NFASC: variants seen among roughly 807,000 people sequenced by gnomAD.
NFASC encodes the protein neurofascin.
A neutral mutation model predicts 147.5 loss-of-function variants in NFASC; 43 were observed. The ratio of observed to expected loss-of-function variants is 0.29; its 90% CI spans 0.23 to 0.38. The LOEUF (loss-of-function observed/expected upper bound fraction) is 0.38. Ranked by LOEUF, NFASC falls within the 10% of genes least tolerant of loss-of-function variation. The pLI is 1.00. For synonymous variants in NFASC, 622 were observed against 665.5 expected (o/e 0.93, Z 1.01); for missense variants, 1,320 against 1,689.0 (o/e 0.78, Z 3.83).
chr1:204,937,473 G>A (rs2092964706), intron 2 of NFASC, among the ~76,000 whole-genome samples: 1 of 151,958 alleles, frequency 6.6e-6, no homozygotes, highest in African/African-American at 2.4e-5. Flanking sequence ...CCCTCAACCT[G>A]CACCCCCAGC....
At chr1:205,003,834 C>T (rs1417735045) in intron 27 of NFASC, among the ~76,000 whole-genome samples, 1 of 152,218 alleles carries the variant, frequency 6.6e-6, no homozygotes, top group Non-Finnish European at 1.5e-5. Flanking sequence ...AAACGTCTCA[C>T]CCCACCCCTT....
intron 1 of NFASC, among the ~76,000 whole-genome samples, chr1:204,897,984 C>T (rs902369782): frequency 7.2e-5 from 11 of 152,048 alleles, no homozygotes; most frequent in African/African-American, 1.4e-4. Flanking sequence ...GTGATCCACC[C>T]GCCTCAGCCT....
At chr1:204,873,678 C>G (rs945925315) in intron 1 of NFASC, among the ~76,000 whole-genome samples, 7 of 121,372 alleles carry the variant, frequency 5.8e-5, no homozygotes, top group Admixed American at 1.2e-4. Context: ...GGGGGCCTTC[C>G]ATTCTGAGGC....
At chr1:204,984,065 A>T in intron 21 of NFASC, 1 of 1,614,204 alleles carries the variant, frequency 6.2e-7, no homozygotes, top group Non-Finnish European at 8.5e-7. Flanking sequence ...AGTCCGAGTC[A>T]TGAACAGCAC....
At chr1:204,871,068 G>GAGCCTTC in intron 1 of NFASC, 1 of 1,289,874 alleles carries the variant, frequency 7.8e-7, no homozygotes, top group Non-Finnish European at 1.0e-6. Context: ...CTTCAGGAGA[G>GAGCCTTC]AGGTAGGATG....
In NFASC at chr1:204,944,387, C is replaced by A; in HGVS notation, c.72C>A (p.Ala24=). ...FLLCLLSLGG[A]IEIPMDPSIQ... ...TCTGCCTCCTCAGTCTTGGCGGAGC[C>A]ATCGAAATTCCTATGGATCGTGAGT... Residue 24 remains alanine, a synonymous_variant, in exon 3 of 30, where the codon GCC becomes GCA. Coordinates refer to ENST00000339876, the MANE Select transcript of NFASC (RefSeq NM_001005388.3). 1 of 1,442,462 alleles carries A rather than the reference C, an allele frequency of 6.9e-7. No homozygotes were observed. 89.4% of individuals were successfully genotyped at this position (1,442,462 alleles called of 1,614,324 possible).
chr1:204,932,169 G>C (rs1000071058), intron 2 of NFASC, among the ~76,000 whole-genome samples: 1 of 152,094 alleles, frequency 6.6e-6, no homozygotes, highest in Admixed American at 6.6e-5. Context: ...AAAACATAAA[G>C]GTCTTGCTTT....
intron 1 of NFASC, among the ~76,000 whole-genome samples, chr1:204,862,125 C>T (rs1268179649): frequency 6.6e-6 from 1 of 152,054 alleles, no homozygotes; most frequent in Non-Finnish European, 1.5e-5. Flanking sequence ...GAATAGCCTT[C>T]AGAGTTCTTG....
rs2093555128 is a variant in NFASC, at chr1:204,944,117, A to G, written c.-90-109A>G. The G allele has an allele frequency of 4.3e-6, 4 of 937,596 alleles. No individual in the cohort carries two copies. The South Asian group carries it at 5.8e-5, about 14-fold the overall frequency. 58.1% of individuals were successfully genotyped at this position (937,596 alleles called of 1,614,324 possible). A position where few individuals can be genotyped will look rare whatever the true frequency, so the allele number is the denominator to read the frequency against. On this transcript the variant is annotated intron_variant, in intron 2 of 29. Coordinates refer to ENST00000339876, the MANE Select transcript of NFASC (RefSeq NM_001005388.3). The stretch of plus-strand genomic sequence containing the variant: ...TAAGAAACTCTGCTCTATCTAGAAC[A>G]TTACTCTGTGACCAAGGGGGCTCTT...
intron 27 of NFASC, 138 bp downstream of exon 27, chr1:205,002,886 C>A (rs1574396301): frequency 4.8e-6 from 3 of 629,102 alleles, no homozygotes; most frequent in Non-Finnish European, 7.1e-6. Flanking sequence ...CGTGTCTCAG[C>A]TCTTATTATG....
At position 204,957,708 on chromosome 1, in the gene NFASC, C is replaced by A; in HGVS notation, c.588C>A (p.Asp196Glu). The change falls in exon 8 of 30, where the codon GAC (aspartate) becomes GAA (glutamate). Residue 196 changes from aspartate to glutamate, a missense_variant. Asp to Glu is a conservative substitution (Grantham distance 45). Coordinates refer to ENST00000339876, the MANE Select transcript of NFASC (RefSeq NM_001005388.3). ...GTGTCTCTCAGGGCCATAACGGAGACCTATACTTCTCCAACGTGATGCTGC... is the reference window on the plus strand; with the variant it reads ...GTGTCTCTCAGGGCCATAACGGAGAACTATACTTCTCCAACGTGATGCTGC... ...DKRVSQGHNG[D>E]LYFSNVMLQD... 6.2e-7 allele frequency: 1 copy of A among 1,614,054 alleles called. No individual in the cohort carries two copies. Among genetic ancestry groups the A allele is most frequent in the South Asian group, 1.1e-5 (1 of 91,086 alleles).
chr1:204,976,305 TATGAG>T (rs531080872), intron 15 of NFASC, among the ~76,000 whole-genome samples: 1 of 152,024 alleles, frequency 6.6e-6, no homozygotes, highest in Non-Finnish European at 1.5e-5. Context: ...AAGCTACAAG[TATGAG>T]AGGAGAAGGA....
In NFASC at chr1:204,973,358, C is replaced by T. The variant is rs748082191; in HGVS notation, c.1218C>T (p.Tyr406=). Residue 406 remains tyrosine, a synonymous_variant, in exon 12 of 30, where the codon TAC becomes TAT. Coordinates refer to ENST00000339876, the MANE Select transcript of NFASC (RefSeq NM_001005388.3). ...CCCAGATCAGCAGCAGGGCTGTGTA[C>T]CAGTGCAACACCTCCAACGAGCATG... ...RDTQISSRAV[Y]QCNTSNEHGY... 17 of 1,614,110 alleles carry T rather than the reference C, an allele frequency of 1.1e-5. No individual in the cohort carries two copies. The Admixed American group carries it at 2.8e-4, about 27-fold the overall frequency.
rs2094294322 is a variant in NFASC, at chr1:204,954,016, CTCCAGATGGTTCT to C, written c.216-169_216-157del. Among the ~76,000 whole-genome samples, 1 of 152,094 alleles carries C rather than the reference CTCCAGATGGTTCT, an allele frequency of 6.6e-6. No homozygotes were observed. Among genetic ancestry groups the C allele is most frequent in the Non-Finnish European group, 1.5e-5 (1 of 68,018 alleles). ...CTGGGACTTTGCATTTTATTGAGCT[CTCCAGATGGTTCT>C]TCTGCTCAGCCAGGCTGAGACCTGT... On this transcript the variant is annotated intron_variant, in intron 5 of 29. Coordinates refer to ENST00000339876, the MANE Select transcript of NFASC (RefSeq NM_001005388.3). This position sits in a 1 kb window ranked among gnomAD's most constrained non-coding sequence, Gnocchi z 5.7.
chr1:204,856,382 G>GGTGTGT (rs57653534), intron 1 of NFASC, among the ~76,000 whole-genome samples: 22,166 of 139,520 alleles, frequency 0.16, 1,873 homozygotes, highest in Middle Eastern at 0.2. Flanking sequence ...ATGCAGAACA[G>GGTGTGT]GTGTGTGTGT....
At chr1:204,861,833 C>T (rs769507846) in intron 1 of NFASC, among the ~76,000 whole-genome samples, 10 of 152,290 alleles carry the variant, frequency 6.6e-5, no homozygotes, top group Middle Eastern at 3.4e-3. Context: ...TTCTTTTGAG[C>T]GAGTGGACAG....
chr1:205,009,859 T>C, intron 28 of NFASC, 171 bp downstream of exon 28: 1 of 730,412 alleles, frequency 1.4e-6, no homozygotes, highest in Non-Finnish European at 2.2e-6. Flanking sequence ...CAGCGAGCAC[T>C]TGAGTTAATT....
chr1:204,952,915 G>A (rs1250551592), intron 5 of NFASC, among the ~76,000 whole-genome samples: 1 of 152,078 alleles, frequency 6.6e-6, no homozygotes, highest in Non-Finnish European at 1.5e-5. Context: ...GCTTTATTCT[G>A]GCCTCCTGGG....
Position 204,969,345 on chromosome 1 carries a change from T to G in NFASC, c.1003+363T>G, listed in dbSNP as rs141241692. Among the ~76,000 whole-genome samples the G allele has an allele frequency of 8.7e-4, 133 of 152,342 alleles. 3 individuals carry two copies. In the East Asian group the frequency reaches 0.013, roughly 15 times the overall value. On this transcript the variant is annotated intron_variant, in intron 10 of 29. Coordinates refer to ENST00000339876, the MANE Select transcript of NFASC (RefSeq NM_001005388.3). ...ATGTGTCACGTGAGCCCGTGCTGTC[T>G]GTGTACCTATGCATGATGCTGTGCT...
Sources: gnomAD v4.1 joint callset for allele counts (sites outside exome capture counted in the v4.1 genomes callset) on GRCh38, gnomAD v4.1.1 for gene constraint, Gnocchi (gnomAD v3.1) non-coding constraint, MANE v1.5 for transcripts, NCBI Gene and HGNC (gene_info 2026-07-23, HGNC 2026-07-21) for gene names.